Variants in ASB14 observed in about 807,000 individuals in gnomAD.
The protein encoded by ASB14 is ankyrin repeat and SOCS box containing 14.
A neutral mutation model predicts 55.6 loss-of-function variants in ASB14; 63 were observed. That is an observed-to-expected ratio of 1.13 (90% confidence interval 0.92 to 1.40). The LOEUF is 1.40. Among genes scored for constraint, ASB14 ranks in the 40% most tolerant of loss-of-function variants. The probability of loss-of-function intolerance (pLI) is 0.00; values close to 1 mark genes in which losing one functional copy is unlikely to be tolerated. For missense variants in ASB14, 724 were observed against 710.4 expected, an observed-to-expected ratio of 1.02 and a Z score of -0.22; for synonymous variants, 256 against 259.9, an observed-to-expected ratio of 0.98 and a Z score of 0.15.
intron 7 of ASB14, among the ~76,000 whole-genome samples, chr3:57,279,798 T>TTC (rs2061024004): frequency 6.6e-6 from 1 of 152,136 alleles, no homozygotes; most frequent in Non-Finnish European, 1.5e-5. Flanking sequence ...GGCAGCTGAA[T>TTC]TCTCTCAGAG....
rs1559524828 is a variant in ASB14 at position 57,288,077 on chromosome 3, T to C, written c.311-18A>G. On this transcript the variant is annotated intron_variant, in intron 4 of 10. Transcript: ENST00000487349. Reference sequence around the variant, plus strand: ...GTCTGAAGCTGAAATAAATTCATCATACCACACAAATTAAGATATAGAAAT... The same window carrying C: ...GTCTGAAGCTGAAATAAATTCATCACACCACACAAATTAAGATATAGAAAT... The C allele has an allele frequency of 8.5e-6, 13 of 1,536,466 alleles. No homozygotes were observed. The highest frequency in any genetic ancestry group is 1.2e-5 in the South Asian group (1 of 84,028).
At chr3:57,275,602 T>C (rs1252214756) in intron 10 of ASB14, among the ~76,000 whole-genome samples, 1 of 152,202 alleles carries the variant, frequency 6.6e-6, no homozygotes, top group East Asian at 1.9e-4. Flanking sequence ...CTGTCCAGTG[T>C]ATCCACACTG....
At chr3:57,278,963 A>G in intron 7 of ASB14, 43 bp from the exon 8 acceptor site, 1 of 1,570,772 alleles carries the variant, frequency 6.4e-7, no homozygotes, top group Non-Finnish European at 8.7e-7. Flanking sequence ...TGTTTTTAAG[A>G]TGTAGCACTA....
intron 10 of ASB14, chr3:57,270,419 G>A (rs1009239525): frequency 1.3e-5 from 2 of 152,616 alleles, no homozygotes; most frequent in African/African-American, 4.8e-5. Flanking sequence ...CTGCTGCAGA[G>A]CAGTAGTGGT....
At position 57,277,794 on chromosome 3, in the gene ASB14, T is replaced by C; in HGVS notation, c.1558A>G (p.Ile520Val). ...KLKAVLQKQGIWSEIHFILTN... is the reference protein window; with the variant it reads ...KLKAVLQKQGVWSEIHFILTN... Reference sequence around the variant, plus strand: ...AAGATAAAATGTATTTCTGACCAGATCCCCTGTTTTTGGAGCACAGCTTTC... The same window carrying C: ...AAGATAAAATGTATTTCTGACCAGACCCCCTGTTTTTGGAGCACAGCTTTC... Residue 520 changes from isoleucine (I) to valine (V), a missense_variant, in exon 9 of 11, where the codon ATC (isoleucine) becomes GTC (valine). Coordinates refer to ENST00000487349, the MANE Select transcript of ASB14 (RefSeq NM_001142733.3). The C allele has an allele frequency of 6.2e-7, 1 of 1,612,548 alleles. No individual in the cohort carries two copies. The highest frequency in any genetic ancestry group is 2.2e-5 in the East Asian group (1 of 44,838).
intron 8 of ASB14, 71 bp downstream of exon 8, chr3:57,278,306 C>G: frequency 8.1e-7 from 1 of 1,242,104 alleles, no homozygotes; most frequent in Non-Finnish European, 1.2e-6. Flanking sequence ...TGGATGTAAT[C>G]TATTTATTGC....
intron 5 of ASB14, 123 bp from the exon 6 acceptor site, chr3:57,283,562 C>G: frequency 5.1e-6 from 5 of 972,540 alleles, no homozygotes; most frequent in Non-Finnish European, 7.5e-6. Context: ...CCCGAACATT[C>G]TGTGTTTAGG....
chr3:57,290,100 T>G (rs975313003), intron 2 of ASB14, among the ~76,000 whole-genome samples: 8 of 152,234 alleles, frequency 5.3e-5, no homozygotes, highest in African/African-American at 1.9e-4. Flanking sequence ...ATAGCTGCTG[T>G]AAGAAGTAAC....
Position 57,268,506 on chromosome 3 carries a change from TG to T in ASB14, c.*1134del. ...TGAAAAGGTATACAGTCCTAATGTCTGGATCTTTATGTGTTGTTTGTGAAGA... is the reference window on the plus strand; with the variant it reads ...TGAAAAGGTATACAGTCCTAATGTCTGATCTTTATGTGTTGTTTGTGAAGA... On this transcript the variant is annotated 3_prime_UTR_variant, in exon 11 of 11. Transcript: ENST00000487349. 1 of 1,560,066 alleles carries T rather than the reference TG, an allele frequency of 6.4e-7. No individual in the cohort carries two copies. Among genetic ancestry groups the T allele is most frequent in the South Asian group, 1.2e-5 (1 of 81,228 alleles).
chr3:57,276,622 A>T lies in ASB14; in HGVS notation c.1692T>A (p.Asn564Lys). 6.2e-7 allele frequency: 1 copy of T among 1,613,930 alleles called. No homozygotes were observed. Among genetic ancestry groups the T allele is most frequent in the Admixed American group, 1.7e-5 (1 of 60,022 alleles). The change falls in exon 10 of 11, where the codon AAT (asparagine) becomes AAA (lysine). Residue 564 changes from asparagine to lysine, a missense_variant. Physicochemically the swap from Asn to Lys is moderately conservative, Grantham distance 94 (BLOSUM62 0). Transcript: ENST00000487349. ...PVFMSFLPLP[N>K]RLKAYVLYKE... The stretch of plus-strand genomic sequence containing the variant: ...TGTAAAGGACATATGCTTTTAGACG[A>T]TTGGGTAATGGAAGAAATGACATGA...
At chr3:57,276,819 C>A in intron 9 of ASB14, 91 bp from the exon 10 acceptor site, 1 of 1,244,542 alleles carries the variant, frequency 8.0e-7, no homozygotes, top group Non-Finnish European at 1.1e-6. Context: ...GATAGCATTT[C>A]ATTTGCTGTT....
chr3:57,272,112 G>GTGTT (rs2060945682), intron 10 of ASB14: 1 of 152,074 alleles, frequency 6.6e-6, no homozygotes, highest in African/African-American at 2.4e-5. Flanking sequence ...ACACTTAATG[G>GTGTT]TGTTAGAAAT....
chr3:57,282,276 G>T (rs2061046366), intron 6 of ASB14, among the ~76,000 whole-genome samples: 1 of 152,144 alleles, frequency 6.6e-6, no homozygotes, highest in African/African-American at 2.4e-5. Flanking sequence ...GAATACTGGA[G>T]ACCAGGACTG....
chr3:57,277,672 T>C, intron 9 of ASB14, 95 bp downstream of exon 9: 1 of 1,138,346 alleles, frequency 8.8e-7, no homozygotes, highest in Admixed American at 2.5e-5. Flanking sequence ...GTCAAGCTTT[T>C]AACCAGAAGA....
chr3:57,288,218 A>AG lies in ASB14; in HGVS notation c.246dup (p.Trp83LeufsTer6). Reference sequence around the variant, plus strand: ...ACTGCAGCCTTATGCAGAGGAATCCAGCCTATCTCATCTGCTTCACCAAAT... The same window carrying AG: ...ACTGCAGCCTTATGCAGAGGAATCCAGGCCTATCTCATCTGCTTCACCAAAT... On this transcript the variant is annotated frameshift_variant, in exon 4 of 11. Coordinates refer to ENST00000487349, the MANE Select transcript of ASB14 (RefSeq NM_001142733.3). LOFTEE classifies it high-confidence loss of function. The AG allele has an allele frequency of 6.5e-7, 1 of 1,536,728 alleles. No individual in the cohort carries two copies.
rs2061030619 is a variant in ASB14, at chr3:57,280,395, A to G, written c.794T>C (p.Val265Ala). Residue 265 changes from valine to alanine, a missense_variant, in exon 7 of 11, where the codon GTG becomes GCG. Transcript: ENST00000487349. ...AGCTCCATACTCCAGCAAGAGAGCC[A>G]CAGCATCTGGATTTCCTCCACTTGC... The part of the protein sequence containing the change: ...EAASGGNPDA[V>A]ALLLEYGADA... The G allele has an allele frequency of 1.3e-6, 2 of 1,551,468 alleles. No individual in the cohort carries two copies. The highest frequency in any genetic ancestry group is 1.7e-6 in the Non-Finnish European group (2 of 1,146,882).
intron 10 of ASB14, among the ~76,000 whole-genome samples, chr3:57,273,828 G>A (rs1197827948): frequency 1.3e-5 from 2 of 152,080 alleles, no homozygotes; most frequent in Non-Finnish European, 2.9e-5. Context: ...TTCATCCCAT[G>A]TGCTCTTTAT....
intron 7 of ASB14, among the ~76,000 whole-genome samples, chr3:57,279,264 C>CTTTTTTTTTTTT (rs869152915): frequency 3.4e-5 from 3 of 88,078 alleles, no homozygotes; most frequent in Non-Finnish European, 4.4e-5. Context: ...AAGAGTTTTT[C>CTTTTTTTTTTTT]TTTTTTTTTT....
chr3:57,279,270 T>A (rs201014188), intron 7 of ASB14, among the ~76,000 whole-genome samples: 5 of 132,742 alleles, frequency 3.8e-5, no homozygotes, highest in Admixed American at 3.0e-4. Context: ...TTTTCTTTTT[T>A]TTTTTTTTTT....
Sources: allele counts gnomAD v4.1 joint callset (sites outside exome capture counted in the v4.1 genomes callset), GRCh38; gene constraint gnomAD v4.1.1; transcripts MANE v1.5; gene names NCBI Gene and HGNC (gene_info 2026-07-23, HGNC 2026-07-21).